The following CTDSPL2 variants were observed in gnomAD, a reference collection of about 807,000 sequenced individuals.
CTDSPL2 encodes CTD small phosphatase-like protein 2.
Under a neutral mutation model 60.0 loss-of-function variants are expected in CTDSPL2, and 5 were observed. That is an observed-to-expected ratio of 0.08 (90% CI 0.04 to 0.18). CTDSPL2 has a LOEUF of 0.18. Among genes scored for constraint, CTDSPL2 ranks in the 10% least tolerant of loss-of-function variants. The pLI is 1.00. For synonymous variants in CTDSPL2, 186 were observed against 189.3 expected (o/e 0.98, Z 0.14); for missense variants, 370 against 548.8 (o/e 0.67, Z 3.26).
intron 1 of CTDSPL2, among the ~76,000 whole-genome samples, chr15:44,434,354 C>T (rs1289214763): frequency 3.3e-5 from 5 of 152,122 alleles, no homozygotes; most frequent in South Asian, 4.2e-4. Flanking sequence ...GAGCTGAGAT[C>T]GTGCCACTGC....
At chr15:44,446,997 C>T (rs900397451) in intron 1 of CTDSPL2, among the ~76,000 whole-genome samples, 1 of 152,126 alleles carries the variant, frequency 6.6e-6, no homozygotes, top group African/African-American at 2.4e-5. Flanking sequence ...TCGTGAGCCA[C>T]TGCACCCAGC....
chr15:44,501,562 G>A (rs1171724662), intron 8 of CTDSPL2, among the ~76,000 whole-genome samples: 2 of 152,014 alleles, frequency 1.3e-5, no homozygotes, highest in Non-Finnish European at 1.5e-5. Flanking sequence ...CAGCATATAT[G>A]ACTAATTAAA....
At chr15:44,498,189 A>C (rs1281603853) in intron 7 of CTDSPL2, among the ~76,000 whole-genome samples, 1 of 152,198 alleles carries the variant, frequency 6.6e-6, no homozygotes, top group Non-Finnish European at 1.5e-5. Flanking sequence ...GGAAGGAACT[A>C]ATTTCTTGAT....
At chr15:44,504,730 C>T (rs2081431605) in intron 8 of CTDSPL2, among the ~76,000 whole-genome samples, 1 of 151,604 alleles carries the variant, frequency 6.6e-6, no homozygotes, top group Non-Finnish European at 1.5e-5. Context: ...ATTAGCCGGG[C>T]ATGGTGGGGA....
chr15:44,520,234 C>T (rs1363505835), intron 11 of CTDSPL2: 1 of 151,684 alleles, frequency 6.6e-6, no homozygotes, highest in Non-Finnish European at 1.5e-5. Context: ...CTGCAGCCTC[C>T]ACCTCCCGGG....
chr15:44,508,563 A>G (rs1476219454), intron 8 of CTDSPL2, among the ~76,000 whole-genome samples: 7 of 152,174 alleles, frequency 4.6e-5, no homozygotes, highest in African/African-American at 1.4e-4. Flanking sequence ...TTTAAAACCT[A>G]TTGCCACAAT....
chr15:44,491,449 G>A (rs1038961738), intron 5 of CTDSPL2, among the ~76,000 whole-genome samples: 2 of 152,148 alleles, frequency 1.3e-5, no homozygotes, highest in African/African-American at 4.8e-5. Context: ...TAAGTTTGCA[G>A]CCTGACTTGG....
chr15:44,449,988 C>A (rs77481929), intron 1 of CTDSPL2, among the ~76,000 whole-genome samples: 62 of 143,798 alleles, frequency 4.3e-4, no homozygotes, highest in Non-Finnish European at 4.3e-4. Flanking sequence ...GAGTCTGTCT[C>A]AAAAAAAAAA....
At chr15:44,500,740 G>A (rs951577582) in intron 8 of CTDSPL2, among the ~76,000 whole-genome samples, 8 of 152,140 alleles carry the variant, frequency 5.3e-5, no homozygotes, top group African/African-American at 1.7e-4. Flanking sequence ...CACAGAAACC[G>A]TGAAATTTAA....
At chr15:44,463,956 A>T (rs917897269) in intron 2 of CTDSPL2, among the ~76,000 whole-genome samples, 2 of 152,232 alleles carry the variant, frequency 1.3e-5, no homozygotes, top group African/African-American at 4.8e-5. Flanking sequence ...AACAATAATT[A>T]TAATAATAAC....
intron 1 of CTDSPL2, among the ~76,000 whole-genome samples, chr15:44,431,712 G>GTTT (rs1309178696): frequency 3.6e-5 from 5 of 137,922 alleles, no homozygotes; most frequent in African/African-American, 8.4e-5. Flanking sequence ...TTGTTTGTTT[G>GTTT]TTTGTTTTTT....
rs1254392221 is a variant in CTDSPL2, at chr15:44,526,624, A to G, written c.*2450A>G. On this transcript the variant is annotated 3_prime_UTR_variant, in exon 13 of 13. Transcript: ENST00000260327. ...GTCATTTTAAATTTGTTAATACAAAATTTAAGATAATTTACAGAGACAATT... is the reference window on the plus strand; with the variant it reads ...GTCATTTTAAATTTGTTAATACAAAGTTTAAGATAATTTACAGAGACAATT... 2 of 152,178 alleles carry G rather than the reference A, an allele frequency of 1.3e-5. No individual in the cohort carries two copies. Among genetic ancestry groups the G allele is most frequent in the African/African-American group, 4.8e-5 (2 of 41,460 alleles). The allele number at this position is 152,178 out of a possible 1,614,324, so 9.4% of individuals were successfully genotyped here.
chr15:44,446,627 CTCAAACAA>C (rs1466585733), intron 1 of CTDSPL2, among the ~76,000 whole-genome samples: 3 of 149,578 alleles, frequency 2.0e-5, no homozygotes, highest in African/African-American at 7.4e-5. Context: ...AAGGCTCTAT[CTCAAACAA>C]TCAAACAAAC....
chr15:44,460,841 C>A (rs2080551810), intron 2 of CTDSPL2, among the ~76,000 whole-genome samples: 1 of 152,156 alleles, frequency 6.6e-6, no homozygotes, highest in Non-Finnish European at 1.5e-5. Flanking sequence ...GAAATATCTT[C>A]CAGAAACCTG....
At position 44,441,253 on chromosome 15, in the gene CTDSPL2, T is replaced by G. The variant is rs148601521; in HGVS notation, c.-25+13481T>G. Among the ~76,000 whole-genome samples the G allele has an allele frequency of 6.6e-5, 10 of 152,260 alleles. No individual in the cohort carries two copies. The East Asian group carries it at 1.9e-3, about 29-fold the overall frequency. ...TTTTCTTTCACTCCCCCGCATTCAC[T>G]TGTGCCTTGCGGGTAACTGGGCTTG... On this transcript the variant is annotated intron_variant, in intron 1 of 12. Transcript: ENST00000260327.
chr15:44,484,414 C>T, intron 3 of CTDSPL2, 52 bp downstream of exon 3: 1 of 1,509,386 alleles, frequency 6.6e-7, no homozygotes. Context: ...GAGATCTCAC[C>T]TGACACATTT....
intron 2 of CTDSPL2, among the ~76,000 whole-genome samples, chr15:44,465,672 G>A (rs1289314302): frequency 2.0e-5 from 3 of 147,728 alleles, no homozygotes; most frequent in Non-Finnish European, 4.5e-5. Flanking sequence ...ACTCTGATTT[G>A]CCAAACTTTG....
chr15:44,432,597 G>A (rs1042574737), intron 1 of CTDSPL2, among the ~76,000 whole-genome samples: 11 of 151,194 alleles, frequency 7.3e-5, no homozygotes, highest in Non-Finnish European at 7.4e-5. Context: ...TGGGATTAGA[G>A]GCGTGAGCCA....
At chr15:44,477,699 A>G (rs1389620894) in intron 2 of CTDSPL2, among the ~76,000 whole-genome samples, 3 of 150,606 alleles carry the variant, frequency 2.0e-5, no homozygotes, top group Non-Finnish European at 3.0e-5. Context: ...TTAGCTGGGC[A>G]TGGTGGCGCA....
Sources: gnomAD v4.1 joint callset for allele counts (sites outside exome capture counted in the v4.1 genomes callset) on GRCh38, gnomAD v4.1.1 for gene constraint, MANE v1.5 for transcripts, NCBI Gene and HGNC (gene_info 2026-07-23, HGNC 2026-07-21) for gene names.